The following ROBO1 variants were observed in gnomAD, a reference collection of about 807,000 sequenced individuals.
ROBO1 encodes the protein roundabout homolog 1.
In ROBO1, 149 loss-of-function variants were observed where a neutral mutation model predicts 195.9. The observed-to-expected ratio is 0.76, with a 90% CI of 0.67 to 0.87. ROBO1 has a LOEUF of 0.87. ROBO1 is among the 40% of genes least tolerant of loss of function. The pLI is 0.00. For synonymous variants in ROBO1, 816 were observed against 733.2 expected (o/e 1.11, Z -1.82); for missense variants, 1,933 against 2,068.3 (o/e 0.93, Z 1.27).
intron 4 of ROBO1, among the ~76,000 whole-genome samples, chr3:78,798,132 T>A (rs1166434430): frequency 2.6e-5 from 4 of 152,162 alleles, no homozygotes; most frequent in Admixed American, 1.3e-4. Context: ...AAACTATTCA[T>A]GGGAATTTAT....
chr3:79,167,812 C>T (rs1033078683), intron 2 of ROBO1, among the ~76,000 whole-genome samples: 3 of 152,152 alleles, frequency 2.0e-5, no homozygotes, highest in African/African-American at 7.2e-5. Flanking sequence ...TTATTATCTG[C>T]ATGACTCAGG....
At chr3:79,282,475 G>A (rs891344783) in intron 2 of ROBO1, among the ~76,000 whole-genome samples, 4 of 152,192 alleles carry the variant, frequency 2.6e-5, no homozygotes, top group African/African-American at 4.8e-5. Context: ...TGACAAGGGC[G>A]TGAACAAGAG....
At chr3:79,047,567 C>A (rs541921616) in intron 3 of ROBO1, among the ~76,000 whole-genome samples, 1 of 152,204 alleles carries the variant, frequency 6.6e-6, no homozygotes, top group South Asian at 2.1e-4. Flanking sequence ...TACCTGAATT[C>A]TTGGTCCACA....
intron 1 of ROBO1, among the ~76,000 whole-genome samples, chr3:79,754,540 T>C (rs1026725680): frequency 1.3e-5 from 2 of 152,274 alleles, no homozygotes; most frequent in Non-Finnish European, 2.9e-5. Flanking sequence ...GAGAAGAAGA[T>C]CCTGCGAATG....
intron 5 of ROBO1, among the ~76,000 whole-genome samples, chr3:78,726,281 AAT>A (rs1347318588): frequency 5.9e-5 from 9 of 152,206 alleles, no homozygotes; most frequent in Non-Finnish European, 1.0e-4. Flanking sequence ...CTAAAAGAGA[AAT>A]ATGTTTCAAC....
At chr3:78,678,903 G>T (rs1401073615) in intron 10 of ROBO1, among the ~76,000 whole-genome samples, 1 of 152,170 alleles carries the variant, frequency 6.6e-6, no homozygotes, top group South Asian at 2.1e-4. Flanking sequence ...TATCCTTGAT[G>T]AACATTGATG....
intron 3 of ROBO1, among the ~76,000 whole-genome samples, chr3:79,001,385 A>G (rs1468056180): frequency 1.3e-5 from 2 of 152,168 alleles, no homozygotes; most frequent in East Asian, 1.9e-4. Flanking sequence ...ACCACCTCCC[A>G]CCAGATCCCT....
intron 4 of ROBO1, among the ~76,000 whole-genome samples, chr3:78,761,617 A>G (rs983176310): frequency 1.3e-5 from 2 of 152,178 alleles, no homozygotes; most frequent in Non-Finnish European, 2.9e-5. Context: ...TTTGACTTAC[A>G]TGTACTACAA....
At chr3:79,217,599 T>C (rs1267526209) in intron 2 of ROBO1, among the ~76,000 whole-genome samples, 3 of 152,040 alleles carry the variant, frequency 2.0e-5, no homozygotes, top group African/African-American at 7.2e-5. Context: ...ATGTTGCTTT[T>C]TTCTTAGACT....
intron 4 of ROBO1, among the ~76,000 whole-genome samples, chr3:78,793,918 TATTTAA>T (rs2084104842): frequency 6.6e-6 from 1 of 152,164 alleles, no homozygotes; most frequent in Non-Finnish European, 1.5e-5. Flanking sequence ...TATTTTAAAA[TATTTAA>T]ATTTAAAGTA....
chr3:79,003,477 T>C (rs188910611), intron 3 of ROBO1, among the ~76,000 whole-genome samples: 3 of 152,136 alleles, frequency 2.0e-5, no homozygotes, highest in East Asian at 3.9e-4. Flanking sequence ...TCATACTAAA[T>C]AGAAGTCAAA....
chr3:78,683,854 A>G (rs1231174741), intron 10 of ROBO1, among the ~76,000 whole-genome samples: 1 of 152,060 alleles, frequency 6.6e-6, no homozygotes, highest in Non-Finnish European at 1.5e-5. Context: ...AAGAAGACAT[A>G]GAAGAATATT....
intron 2 of ROBO1, among the ~76,000 whole-genome samples, chr3:79,480,068 G>A (rs750584612): frequency 7.2e-5 from 11 of 152,142 alleles, no homozygotes; most frequent in Non-Finnish European, 1.2e-4. Flanking sequence ...ACCAAATACC[G>A]AAAAGGCTTT....
chr3:79,227,063 C>T (rs1032190834), intron 2 of ROBO1, among the ~76,000 whole-genome samples: 8 of 152,200 alleles, frequency 5.3e-5, no homozygotes, highest in Admixed American at 3.9e-4. Context: ...CTGATCCATA[C>T]TCTAAAGTTA....
At chr3:78,988,754 T>A (rs762274767) in intron 3 of ROBO1, among the ~76,000 whole-genome samples, 1 of 152,158 alleles carries the variant, frequency 6.6e-6, no homozygotes, top group African/African-American at 2.4e-5. Flanking sequence ...TTACATTCCA[T>A]CAAAATTGTC....
chr3:78,699,436 G>T (rs1195331159), intron 8 of ROBO1, among the ~76,000 whole-genome samples: 1 of 149,888 alleles, frequency 6.7e-6, no homozygotes, highest in East Asian at 1.9e-4. Flanking sequence ...AGGCATGGTG[G>T]TGGGTGCCTG....
rs188956912 is a variant in ROBO1 at position 79,068,319 on chromosome 3, T to C, written c.172+57137A>G. On this transcript the variant is annotated intron_variant, in intron 3 of 30. Coordinates refer to ENST00000464233, the MANE Select transcript of ROBO1 (RefSeq NM_002941.4). ...GCAATGAATGATATGGATGTTGCTATGGATATTGCAGAAACATAGGGTTTT... is the reference window on the plus strand; with the variant it reads ...GCAATGAATGATATGGATGTTGCTACGGATATTGCAGAAACATAGGGTTTT... Among the ~76,000 whole-genome samples, 62 of 151,968 alleles carry C rather than the reference T, an allele frequency of 4.1e-4. 1 individual carries two copies. The South Asian group carries it at 7.5e-3, about 18-fold the overall frequency.
At chr3:78,828,119 T>G (rs959883573) in intron 4 of ROBO1, among the ~76,000 whole-genome samples, 5 of 152,162 alleles carry the variant, frequency 3.3e-5, no homozygotes, top group Non-Finnish European at 7.4e-5. Context: ...TCAGAGAAGT[T>G]TCAGTGTGGA....
chr3:79,676,498 G>A (rs183028898), intron 1 of ROBO1, among the ~76,000 whole-genome samples: 285 of 151,990 alleles, frequency 1.9e-3, no homozygotes, highest in Non-Finnish European at 3.2e-3. Context: ...ATGTTCACTC[G>A]GGTTGTGGTA....
Sources: allele counts gnomAD v4.1 joint callset (sites outside exome capture counted in the v4.1 genomes callset), GRCh38; gene constraint gnomAD v4.1.1; transcripts MANE v1.5; gene names NCBI Gene and HGNC (gene_info 2026-07-23, HGNC 2026-07-21).